SMC1B: variants seen among roughly 807,000 people sequenced by gnomAD.
The protein encoded by SMC1B is structural maintenance of chromosomes 1B.
SMC1B carries 60 observed loss-of-function variants against 157.9 expected under a neutral mutation model. The observed-to-expected ratio is 0.38, with a 90% CI of 0.31 to 0.47. The LOEUF is 0.47. Among genes scored for constraint, SMC1B ranks in the 20% least tolerant of loss-of-function variants. The pLI is 0.99. For missense variants in SMC1B, 1,165 were observed against 1,426.2 expected, an observed-to-expected ratio of 0.82 and a Z score of 2.95; for synonymous variants, 445 against 483.0, an observed-to-expected ratio of 0.92 and a Z score of 1.03.
At chr22:45,410,817 G>A (rs2087323953) in intron 1 of SMC1B, among the ~76,000 whole-genome samples, 1 of 152,156 alleles carries the variant, frequency 6.6e-6, no homozygotes, top group African/African-American at 2.4e-5. Flanking sequence ...GAGGTTTAGG[G>A]TCTTTCTAAA....
At position 45,394,740 on chromosome 22, in the gene SMC1B, T is replaced by C. The variant is rs752770895; in HGVS notation, c.1282A>G (p.Ile428Val). 1 of 1,555,506 alleles carries C rather than the reference T, an allele frequency of 6.4e-7. No individual in the cohort carries two copies. The highest frequency in any genetic ancestry group is 1.2e-5 in the South Asian group (1 of 85,734). ...TCTATTCGTTTTTTATGATCTTCTATTTGTTCTTTTATTTGTTTTAGATTT... is the reference window on the plus strand; with the variant it reads ...TCTATTCGTTTTTTATGATCTTCTACTTGTTCTTTTATTTGTTTTAGATTT... ...QGNLKQIKEQ[I>V]EDHKKRIEKL... is the part of the protein sequence containing the mutation. The change falls in exon 8 of 25, where the codon ATA (isoleucine) becomes GTA (valine). Residue 428 changes from isoleucine (I) to valine (V), a missense_variant. Coordinates refer to ENST00000357450, the MANE Select transcript of SMC1B (RefSeq NM_148674.5).
chr22:45,400,395 C>T (rs1602093148), intron 5 of SMC1B, among the ~76,000 whole-genome samples: 1 of 152,136 alleles, frequency 6.6e-6, no homozygotes, highest in South Asian at 2.1e-4. Context: ...CAGGAGCCAA[C>T]TCAAAGAGTT....
rs761075844 is a variant in SMC1B, at chr22:45,372,312, T to C, written c.2059-20A>G. 1 of 1,564,316 alleles carries C rather than the reference T, an allele frequency of 6.4e-7. No individual in the cohort carries two copies. Among genetic ancestry groups the C allele is most frequent in the Non-Finnish European group, 8.6e-7 (1 of 1,160,712 alleles). On this transcript the variant is annotated intron_variant, in intron 12 of 24. Coordinates refer to ENST00000357450, the MANE Select transcript of SMC1B (RefSeq NM_148674.5). The stretch of plus-strand genomic sequence containing the variant: ...TAAACCCTAAAAGGAAAGAAAAACA[T>C]GAGAATATTTTATGATAGAAAAGCA...
intron 5 of SMC1B, among the ~76,000 whole-genome samples, chr22:45,400,920 T>C (rs533449704): frequency 5.9e-5 from 9 of 152,010 alleles, no homozygotes; most frequent in Non-Finnish European, 1.3e-4. Flanking sequence ...ATCAGACAAA[T>C]CCGGATTGAA....
chr22:45,372,424 A>C (rs1429668012), intron 12 of SMC1B, 132 bp from the exon 13 acceptor site: 1 of 718,674 alleles, frequency 1.4e-6, no homozygotes, highest in Non-Finnish European at 2.2e-6. Context: ...CTTTCCTCTG[A>C]TAAGAGACTG....
At chr22:45,410,473 C>T (rs531403919) in intron 1 of SMC1B, among the ~76,000 whole-genome samples, 4 of 152,290 alleles carry the variant, frequency 2.6e-5, no homozygotes, top group Admixed American at 2.6e-4. Flanking sequence ...GAGGCCGAGG[C>T]AGGAAGATCA....
intron 12 of SMC1B, among the ~76,000 whole-genome samples, chr22:45,380,453 C>T (rs1163788003): frequency 2.0e-5 from 3 of 152,162 alleles, no homozygotes; most frequent in Non-Finnish European, 4.4e-5. Flanking sequence ...ATTAGTCTCA[C>T]ATCAAGTTTC....
intron 19 of SMC1B, among the ~76,000 whole-genome samples, chr22:45,356,233 T>C (rs767210476): frequency 6.6e-6 from 1 of 152,216 alleles, no homozygotes; most frequent in Non-Finnish European, 1.5e-5. Flanking sequence ...CCACATGTAC[T>C]TAGACTTAGA....
At chr22:45,408,366 C>T (rs2087288589) in intron 2 of SMC1B, among the ~76,000 whole-genome samples, 1 of 152,194 alleles carries the variant, frequency 6.6e-6, no homozygotes, top group Admixed American at 6.5e-5. Flanking sequence ...ACCTCGTGAT[C>T]CGCCCGCCTC....
intron 7 of SMC1B, 25 bp from the exon 8 acceptor site, chr22:45,394,792 A>G: frequency 6.7e-7 from 1 of 1,497,286 alleles, no homozygotes; most frequent in Non-Finnish European, 8.9e-7. Flanking sequence ...AAAATCTAAA[A>G]TCAATTACGG....
intron 21 of SMC1B, among the ~76,000 whole-genome samples, chr22:45,353,565 T>C (rs2086636312): frequency 6.6e-6 from 1 of 152,106 alleles, no homozygotes; most frequent in Admixed American, 6.6e-5. Context: ...TTTCCTCTCT[T>C]TTGTTACTCT....
intron 14 of SMC1B, among the ~76,000 whole-genome samples, chr22:45,370,491 G>A (rs2086820617): frequency 1.3e-5 from 2 of 152,148 alleles, no homozygotes; most frequent in Admixed American, 6.6e-5. Context: ...AAGCTAGAAT[G>A]GGGAAATTCA....
At chr22:45,352,723 A>G (rs1353030305) in intron 21 of SMC1B, 121 bp from the exon 22 acceptor site, 1 of 913,336 alleles carries the variant, frequency 1.1e-6, no homozygotes, top group African/African-American at 1.7e-5. Context: ...AAAACTACCA[A>G]TGCCTATAAA....
intron 22 of SMC1B, among the ~76,000 whole-genome samples, chr22:45,351,252 T>G (rs2086612702): frequency 6.6e-6 from 1 of 152,208 alleles, no homozygotes. Flanking sequence ...TTAAGTATCT[T>G]CGAGGCAGGC....
intron 11 of SMC1B, among the ~76,000 whole-genome samples, chr22:45,384,404 T>A (rs2086969853): frequency 1.3e-5 from 2 of 152,146 alleles, no homozygotes; most frequent in Non-Finnish European, 2.9e-5. Context: ...TTTTGTCATA[T>A]TGGAAAAGGC....
chr22:45,376,806 T>G (rs921557736), intron 12 of SMC1B, among the ~76,000 whole-genome samples: 1 of 152,308 alleles, frequency 6.6e-6, no homozygotes, highest in Middle Eastern at 3.4e-3. Context: ...ATGGCTTTGA[T>G]CCTCATGTTT....
intron 8 of SMC1B, among the ~76,000 whole-genome samples, chr22:45,394,285 A>G (rs2087096836): frequency 6.6e-6 from 1 of 152,160 alleles, no homozygotes; most frequent in African/African-American, 2.4e-5. Flanking sequence ...TGATCACGCA[A>G]CTGCACTCCA....
At chr22:45,396,536 A>G in intron 6 of SMC1B, 50 bp from the exon 7 acceptor site, 1 of 1,532,530 alleles carries the variant, frequency 6.5e-7, no homozygotes, top group Non-Finnish European at 8.8e-7. Context: ...GAAGCATGAG[A>G]GCAAATTTCT....
intron 14 of SMC1B, 144 bp from the exon 15 acceptor site, chr22:45,370,204 CT>C (rs565228015): frequency 2.6e-4 from 111 of 430,832 alleles, no homozygotes; most frequent in African/African-American, 1.6e-3. Context: ...GAAGCCAGTA[CT>C]TTTTTTTCCT....
Sources: gnomAD v4.1 joint callset for allele counts (sites outside exome capture counted in the v4.1 genomes callset) on GRCh38, gnomAD v4.1.1 for gene constraint, MANE v1.5 for transcripts, NCBI Gene and HGNC (gene_info 2026-07-23, HGNC 2026-07-21) for gene names.